LYSMD4: variants seen among roughly 807,000 people sequenced by gnomAD.
The protein encoded by LYSMD4 is lysM and putative peptidoglycan-binding domain-containing protein 4.
A neutral mutation model predicts 6.1 loss-of-function variants in LYSMD4; 9 were observed. The ratio of observed to expected loss-of-function variants is 1.47; its 90% CI spans 0.88 to 2.56. The LOEUF is 2.56. LYSMD4 is among the 30% of genes most tolerant of loss of function. The probability of loss-of-function intolerance (pLI) is 0.00; values close to 1 mark genes in which losing one functional copy is unlikely to be tolerated. For missense variants in LYSMD4, 384 were observed against 373.5 expected (o/e 1.03, Z -0.23); for synonymous variants, 143 against 148.5 (o/e 0.96, Z 0.27).
downstream of LYSMD4, among the ~76,000 whole-genome samples, chr15:99,725,619 T>C (rs1307321100): frequency 1.3e-5 from 2 of 151,544 alleles, no homozygotes; most frequent in Non-Finnish European, 2.9e-5. Flanking sequence ...ACCAAGAAAA[T>C]GGGCAGGTAA....
upstream of LYSMD4, among the ~76,000 whole-genome samples, chr15:99,719,029 G>A (rs1341113005): frequency 1.3e-5 from 2 of 152,128 alleles, no homozygotes; most frequent in Non-Finnish European, 2.9e-5. Context: ...TTTCTCCTGT[G>A]GTGGGGAACC....
chr15:99,732,849 G>C (rs2141147060), intron 1 of LYSMD4: 1 of 153,126 alleles, frequency 6.5e-6, no homozygotes, highest in East Asian at 1.9e-4. Context: ...AGGGTCACAG[G>C]CCCACACCCC....
downstream of LYSMD4, among the ~76,000 whole-genome samples, chr15:99,726,434 G>C (rs1375266684): frequency 2.0e-5 from 3 of 152,078 alleles, no homozygotes; most frequent in African/African-American, 4.8e-5. Flanking sequence ...ATGAGCCACT[G>C]TGCCTGGCCC....
At chr15:99,718,770 T>G (rs1351210187), upstream of LYSMD4, among the ~76,000 whole-genome samples, 1 of 152,192 alleles carries the variant, frequency 6.6e-6, no homozygotes, top group East Asian at 1.9e-4. Flanking sequence ...AACCACTTTT[T>G]CCACTATTCC....
chr15:99,717,866 C>T (rs2059201140), upstream of LYSMD4: 1 of 152,250 alleles, frequency 6.6e-6, no homozygotes, highest in Non-Finnish European at 1.5e-5. Context: ...TTTCACTACA[C>T]AGTCCCCCCT....
At chr15:99,731,585 T>G in intron 2 of LYSMD4, 133 bp downstream of exon 2, 1 of 1,524,870 alleles carries the variant, frequency 6.6e-7, no homozygotes, top group Non-Finnish European at 8.8e-7. Flanking sequence ...AATAGGGGAG[T>G]CCTTGGCTGC....
chr15:99,727,640 C>T lies in LYSMD4; in HGVS notation c.*1483G>A, dbSNP rs979306329. On this transcript the variant is annotated 3_prime_UTR_variant, in exon 3 of 3. Coordinates refer to ENST00000684762, the MANE Select transcript of LYSMD4 (RefSeq NM_001284417.2). The stretch of plus-strand genomic sequence containing the variant: ...GCAGAGATTCAGAAGTTCTTTTTAT[C>T]CTGAAGATCATTCTGGTTTCTAATT... The T allele has an allele frequency of 6.6e-6, 1 of 152,156 alleles. No homozygotes were observed. Among genetic ancestry groups the T allele is most frequent in the Admixed American group, 6.5e-5 (1 of 15,284 alleles). 9.4% of individuals were successfully genotyped at this position (152,156 alleles called of 1,614,324 possible).
chr15:99,721,137 A>C (rs976533925), upstream of LYSMD4, among the ~76,000 whole-genome samples: 3 of 152,220 alleles, frequency 2.0e-5, no homozygotes, highest in Admixed American at 2.0e-4. Flanking sequence ...TCTATATGTG[A>C]TACAACCTGA....
upstream of LYSMD4, among the ~76,000 whole-genome samples, chr15:99,719,306 G>A (rs1017129954): frequency 1.3e-5 from 2 of 152,030 alleles, no homozygotes; most frequent in African/African-American, 4.8e-5. Flanking sequence ...TTCACTTTCG[G>A]CACCCTCCCC....
At chr15:99,731,355 T>C in intron 2 of LYSMD4, 5 of 1,612,442 alleles carry the variant, frequency 3.1e-6, no homozygotes. Flanking sequence ...AAAGCAAGCA[T>C]ACCATAGAAA....
At chr15:99,723,566 G>A (rs527709555), downstream of LYSMD4, among the ~76,000 whole-genome samples, 1 of 152,276 alleles carries the variant, frequency 6.6e-6, no homozygotes, top group East Asian at 1.9e-4. Flanking sequence ...GAAACACGAC[G>A]AAGCCTCTGG....
upstream of LYSMD4, among the ~76,000 whole-genome samples, chr15:99,719,491 G>A (rs1165196634): frequency 6.6e-6 from 1 of 152,108 alleles, no homozygotes; most frequent in African/African-American, 2.4e-5. Context: ...AGTCTCTTTA[G>A]TTTCTGGTTT....
At chr15:99,722,578 C>T (rs1443761013), downstream of LYSMD4, among the ~76,000 whole-genome samples, 1 of 152,112 alleles carries the variant, frequency 6.6e-6, no homozygotes, top group Non-Finnish European at 1.5e-5. Context: ...GAGAGATCAA[C>T]AAATGGACCC....
Position 99,727,895 on chromosome 15 carries a change from A to C in LYSMD4, c.*1228T>G, listed in dbSNP as rs1597384575. 1 of 151,916 alleles carries C rather than the reference A, an allele frequency of 6.6e-6. No individual in the cohort carries two copies. The highest frequency in any genetic ancestry group is 1.5e-5 in the Non-Finnish European group (1 of 68,222). The allele number at this position is 151,916 out of a possible 1,614,324, so 9.4% of individuals were successfully genotyped here. On this transcript the variant is annotated 3_prime_UTR_variant, in exon 3 of 3. Transcript: ENST00000684762. Reference sequence around the variant, plus strand: ...GCCAGCAGCCATCTCAGCCCCTCCCACCCCTCCATGCCACAGGGCAGCACC... The same window carrying C: ...GCCAGCAGCCATCTCAGCCCCTCCCCCCCCTCCATGCCACAGGGCAGCACC...
chr15:99,716,669 C>T (rs1408979875), exon 1 of LYSMD4: 1 of 456,780 alleles, frequency 2.2e-6, no homozygotes, highest in East Asian at 6.9e-5. Flanking sequence ...CACTGGCCTC[C>T]CCCTTGTCGG....
rs547008139 is a variant in LYSMD4, at chr15:99,732,107, T to C, written c.-8-100A>G. On this transcript the variant is annotated intron_variant, in intron 1 of 2. Transcript: ENST00000684762. ...TCTTGTTAGAGAGTATTCCTTTTCCTAATCGCTGCAAATACTCAGCATACA... is the reference window on the plus strand; with the variant it reads ...TCTTGTTAGAGAGTATTCCTTTTCCCAATCGCTGCAAATACTCAGCATACA... 9 of 1,276,536 alleles carry C rather than the reference T, an allele frequency of 7.1e-6. No homozygotes were observed. The African/African-American group carries it at 1.2e-4, about 17-fold the overall frequency. 79.1% of individuals were successfully genotyped at this position (1,276,536 alleles called of 1,614,324 possible). A position where few individuals can be genotyped will look rare whatever the true frequency, so the allele number is the denominator to read the frequency against.
In LYSMD4 at chr15:99,728,919, G is replaced by T; in HGVS notation, c.*204C>A. 1.5e-6 allele frequency: 1 copy of T among 671,176 alleles called. No homozygotes were observed. Among genetic ancestry groups the T allele is most frequent in the Non-Finnish European group, 2.5e-6 (1 of 397,418 alleles). The allele number at this position is 671,176 out of a possible 1,614,324, so 41.6% of individuals were successfully genotyped here. A position where few individuals can be genotyped will look rare whatever the true frequency, so the allele number is the denominator to read the frequency against. ...TGCACCTCTCTGGATAGGGGCCGAGGTCGCTGCTGTTTTAGATCCTGCCAG... is the reference window on the plus strand; with the variant it reads ...TGCACCTCTCTGGATAGGGGCCGAGTTCGCTGCTGTTTTAGATCCTGCCAG... On this transcript the variant is annotated 3_prime_UTR_variant, in exon 3 of 3. Transcript: ENST00000684762.
At chr15:99,719,091 C>T (rs191865461), upstream of LYSMD4, among the ~76,000 whole-genome samples, 9 of 152,356 alleles carry the variant, frequency 5.9e-5, no homozygotes, top group East Asian at 1.5e-3. Flanking sequence ...CCAGTGTACA[C>T]TTATTTTCAG....
At position 99,733,364 on chromosome 15, in the gene LYSMD4, C is replaced by T; in HGVS notation, c.-28G>A. 2 of 394,926 alleles carry T rather than the reference C, an allele frequency of 5.1e-6. No individual in the cohort carries two copies. Among genetic ancestry groups the T allele is most frequent in the Non-Finnish European group, 8.9e-6 (2 of 223,644 alleles). 24.5% of individuals were successfully genotyped at this position (394,926 alleles called of 1,614,324 possible). A position where few individuals can be genotyped will look rare whatever the true frequency, so the allele number is the denominator to read the frequency against. Reference sequence around the variant, plus strand: ...CGGTACCTCAGCGCCCAGGCTCCGCCGCGACCGGCGACCGGCGACTCGCGA... The same window carrying T: ...CGGTACCTCAGCGCCCAGGCTCCGCTGCGACCGGCGACCGGCGACTCGCGA... On this transcript the variant is annotated 5_prime_UTR_variant, in exon 1 of 3. Transcript: ENST00000684762.
Sources: allele counts gnomAD v4.1 joint callset (sites outside exome capture counted in the v4.1 genomes callset), GRCh38; gene constraint gnomAD v4.1.1; transcripts MANE v1.5; gene names NCBI Gene and HGNC (gene_info 2026-07-23, HGNC 2026-07-21).